Variants in KLHL13 observed in about 807,000 individuals in gnomAD.
KLHL13 encodes the protein kelch like family member 13.
A neutral mutation model predicts 37.1 loss-of-function variants in KLHL13; 10 were observed. The observed-to-expected ratio is 0.27, with a 90% CI of 0.17 to 0.46. The LOEUF (loss-of-function observed/expected upper bound fraction) is 0.46. KLHL13 is among the 20% of genes least tolerant of loss of function. The pLI is 1.00. For synonymous variants in KLHL13, 163 were observed against 181.2 expected, an observed-to-expected ratio of 0.90 and a Z score of 0.81; for missense variants, 360 against 509.3, an observed-to-expected ratio of 0.71 and a Z score of 2.82.
At chrX:117,909,229 G>A in intron 5 of KLHL13, 72 bp downstream of exon 6, 1 of 880,282 alleles carries the variant, frequency 1.1e-6, no homozygotes. Flanking sequence ...TTACAGGACT[G>A]CTTATTTTAT....
chrX:117,933,965 T>C (rs138720283), intron 2 of KLHL13, among the ~76,000 whole-genome samples: 3,162 of 110,896 alleles, frequency 0.029, 127 homozygotes, highest in African/African-American at 0.097. Context: ...TAAAAAACAA[T>C]GAAATCATGT....
intron 1 of KLHL13, among the ~76,000 whole-genome samples, chrX:118,113,860 T>TATCATTGTGCCTAACAC (rs1318828847): frequency 8.9e-6 from 1 of 112,591 alleles, no homozygotes; most frequent in Non-Finnish European, 1.9e-5. Flanking sequence ...TTATAAGGTT[T>TATCATTGTGCCTAACAC]ATCATTGTGC....
At chrX:118,114,635 C>A (rs1192904459) in intron 1 of KLHL13, among the ~76,000 whole-genome samples, 2 of 111,574 alleles carry the variant, frequency 1.8e-5, no homozygotes, top group African/African-American at 6.5e-5. Flanking sequence ...GAATAAGTAC[C>A]CTTTCCCTAC....
intron 1 of KLHL13, among the ~76,000 whole-genome samples, chrX:118,020,271 C>T (rs1173924295): frequency 9.0e-6 from 1 of 111,012 alleles, no homozygotes. Flanking sequence ...AATTGGAGTT[C>T]ACTCATGATT....
rs183376507 is a variant in KLHL13 at position 118,099,919 on chromosome X, A to G, written c.-56+16589T>C. ...AGAAGGAAGGAAAGAAGGAAGGAAG[A>G]AAGGAAGGAAGGAAGGAAGGAAGGA... On this transcript the variant is annotated intron_variant, in intron 1 of 6. Coordinates refer to the KLHL13 transcript ENST00000371882. Among the ~76,000 whole-genome samples the G allele has an allele frequency of 7.2e-3, 739 of 102,163 alleles. 13 individuals carry two copies. Among genetic ancestry groups the G allele is most frequent in the African/African-American group, 0.027 (696 of 25,793 alleles). 88.7% of individuals were successfully genotyped at this position (102,163 alleles called of 115,157 possible).
At chrX:118,107,292 T>A (rs1386492772) in intron 1 of KLHL13, among the ~76,000 whole-genome samples, 1 of 111,995 alleles carries the variant, frequency 8.9e-6, no homozygotes, top group Non-Finnish European at 1.9e-5. Context: ...CATATTTGAG[T>A]AAGTAATAAG....
intron 1 of KLHL13, among the ~76,000 whole-genome samples, chrX:117,962,338 C>T (rs1338634332): frequency 9.3e-6 from 1 of 107,569 alleles, no homozygotes; most frequent in Non-Finnish European, 1.9e-5. Context: ...TGAGTATTTG[C>T]ATGCAATTAA....
At chrX:118,009,290 A>G (rs1031783514) in intron 1 of KLHL13, among the ~76,000 whole-genome samples, 37 of 80,904 alleles carry the variant, frequency 4.6e-4, no homozygotes, top group African/African-American at 1.7e-3. Context: ...TTTTGTTGCC[A>G]TTGCTTTTGG....
At chrX:118,039,593 T>C (rs2054486706) in intron 1 of KLHL13, among the ~76,000 whole-genome samples, 1 of 111,626 alleles carries the variant, frequency 9.0e-6, no homozygotes, top group African/African-American at 3.3e-5. Context: ...GGTAGATTCC[T>C]AAGGTTTCCG....
chrX:118,097,774 G>A (rs764000424), intron 1 of KLHL13, among the ~76,000 whole-genome samples: 48 of 111,091 alleles, frequency 4.3e-4, no homozygotes, highest in Non-Finnish European at 8.1e-4. Flanking sequence ...AAATAACGCC[G>A]CATATCTACA....
intron 1 of KLHL13, among the ~76,000 whole-genome samples, chrX:118,093,738 A>T (rs1307148320): frequency 9.0e-6 from 1 of 111,699 alleles, no homozygotes; most frequent in Non-Finnish European, 1.9e-5. Context: ...ATATTATGAC[A>T]AAGTCTTATA....
chrX:117,960,957 A>T (rs1370105306), intron 1 of KLHL13, among the ~76,000 whole-genome samples: 3 of 112,169 alleles, frequency 2.7e-5, no homozygotes, highest in Non-Finnish European at 5.6e-5. Context: ...TTAACTTTTA[A>T]TAAGAGACTT....
intron 1 of KLHL13, among the ~76,000 whole-genome samples, chrX:118,083,087 T>C (rs190574669): frequency 2.7e-5 from 3 of 112,166 alleles, no homozygotes; most frequent in Non-Finnish European, 3.8e-5. Flanking sequence ...AATTGTAAGA[T>C]TGTTTTTCTC....
At chrX:117,898,694 A>G in exon 7 of KLHL13, 1 of 384,518 alleles carries the variant, frequency 2.6e-6, no homozygotes, top group Non-Finnish European at 4.4e-6. Flanking sequence ...ATCAGCTTCT[A>G]TGGGATACAT....
chrX:118,077,772 C>T lies in KLHL13; in HGVS notation c.-56+38736G>A, dbSNP rs1186115880. Among the ~76,000 whole-genome samples, 31 of 111,143 alleles carry T rather than the reference C, an allele frequency of 2.8e-4. No individual in the cohort carries two copies. In the Admixed American group the frequency reaches 2.9e-3, roughly 10 times the overall value. ...AAGTGTCACTCAGGGAGAAAATGAA[C>T]CTTGGGGTCTGACAATCCCTACTTC... On this transcript the variant is annotated intron_variant, in intron 1 of 6. Transcript: ENST00000371882.
chrX:118,017,347 G>A (rs986738336), intron 1 of KLHL13, among the ~76,000 whole-genome samples: 4 of 111,521 alleles, frequency 3.6e-5, no homozygotes, highest in African/African-American at 1.3e-4. Context: ...GTAGTGCAAT[G>A]TGAGATTAAC....
intron 1 of KLHL13, among the ~76,000 whole-genome samples, chrX:117,952,086 G>A (rs1490446114): frequency 5.4e-5 from 6 of 111,248 alleles, no homozygotes; most frequent in Admixed American, 1.9e-4. Flanking sequence ...AAAAGAGCCC[G>A]CATCGCCAAG....
intron 1 of KLHL13, among the ~76,000 whole-genome samples, chrX:118,065,879 A>G (rs1402254973): frequency 8.9e-6 from 1 of 111,982 alleles, no homozygotes; most frequent in Non-Finnish European, 1.9e-5. Context: ...ATAGATACTA[A>G]AATTCTACAG....
rs530429045 is a variant in KLHL13, at chrX:118,004,044, G to A, written c.-55-58469C>T. On this transcript the variant is annotated intron_variant, in intron 1 of 6. Transcript: ENST00000371882. ...GCCAGGATTTCTGGAAGTCAGAGTC[G>A]GGGAGGCAAGGGTGTGTCAACAGGG... Among the ~76,000 whole-genome samples, 9 of 111,258 alleles carry A rather than the reference G, an allele frequency of 8.1e-5. No individual in the cohort carries two copies. The South Asian group carries it at 1.9e-3, about 24-fold the overall frequency.
Sources: allele counts gnomAD v4.1 joint callset (sites outside exome capture counted in the v4.1 genomes callset), GRCh38; gene constraint gnomAD v4.1.1; transcripts MANE v1.5; gene names NCBI Gene and HGNC (gene_info 2026-07-23, HGNC 2026-07-21).